Variants in GDAP1 observed in about 807,000 individuals in gnomAD.
The protein encoded by GDAP1 is ganglioside induced differentiation associated protein 1.
Under a neutral mutation model 40.1 loss-of-function variants are expected in GDAP1, and 34 were observed. The ratio of observed to expected loss-of-function variants is 0.85; its 90% CI spans 0.64 to 1.13. The LOEUF is 1.13. Among genes scored for constraint, GDAP1 ranks in the 50% most tolerant of loss-of-function variants. The pLI is 0.00. For missense variants in GDAP1, 374 were observed against 433.7 expected (o/e 0.86, Z 1.22); for synonymous variants, 170 against 157.4 (o/e 1.08, Z -0.60).
At chr8:74,355,073 C>T (rs10504578) in intron 2 of GDAP1, among the ~76,000 whole-genome samples, 28,474 of 152,076 alleles carry the variant, frequency 0.19, 2,939 homozygotes, top group Admixed American at 0.31. Context: ...CTTGTACTTT[C>T]GGGATAGTTC....
intron 2 of GDAP1, among the ~76,000 whole-genome samples, chr8:74,422,545 C>CCTTCCT (rs1805892023): frequency 1.0e-5 from 1 of 96,528 alleles, no homozygotes; most frequent in African/African-American, 5.1e-5. Context: ...CTTTCTTTCT[C>CCTTCCT]TCTCAAACAG....
At chr8:74,476,309 G>A (rs1192033414) in intron 2 of GDAP1, among the ~76,000 whole-genome samples, 2 of 152,016 alleles carry the variant, frequency 1.3e-5, no homozygotes, top group Non-Finnish European at 2.9e-5. Context: ...GATATGTGTG[G>A]ATTTGATCCT....
At chr8:74,477,957 A>T (rs766653284) in intron 2 of GDAP1, among the ~76,000 whole-genome samples, 1 of 152,144 alleles carries the variant, frequency 6.6e-6, no homozygotes, top group African/African-American at 2.4e-5. Flanking sequence ...TGGTGTTAGG[A>T]TAGAGGCAGG....
chr8:74,367,219 T>A (rs550370750), downstream of GDAP1: 3 of 154,564 alleles, frequency 1.9e-5, no homozygotes, highest in East Asian at 5.7e-4. Context: ...TGCAAAATAG[T>A]TTTCTTACAT....
At chr8:74,486,866 T>C (rs142801375) in intron 2 of GDAP1, among the ~76,000 whole-genome samples, 2 of 152,190 alleles carry the variant, frequency 1.3e-5, no homozygotes, top group Non-Finnish European at 2.9e-5. Context: ...ACTTTCTTGA[T>C]GTTTTTCATT....
Position 74,451,923 on chromosome 8 carries a change from C to CTTTAATTTAAT in GDAP1, c.166-36753_166-36752insTAATTTAATTT, listed in dbSNP as rs1806298298. Reference sequence around the variant, plus strand: ...GCCTTGGTATGCTGCTCTTTATTTTCTTAATTTAATTTAATTTAATTTAAT... The same window carrying CTTTAATTTAAT: ...GCCTTGGTATGCTGCTCTTTATTTTCTTTAATTTAATTTAATTTAATTTAATTTAATTTAAT... On this transcript the variant is annotated intron_variant, in intron 2 of 2. Coordinates refer to the GDAP1 transcript ENST00000523640. Among the ~76,000 whole-genome samples the CTTTAATTTAAT allele has an allele frequency of 3.7e-5, 2 of 54,614 alleles. 1 individual carries two copies. Among genetic ancestry groups the CTTTAATTTAAT allele is most frequent in the Non-Finnish European group, 6.7e-5 (2 of 29,836 alleles). 35.8% of individuals were successfully genotyped at this position (54,614 alleles called of 152,430 possible).
At position 74,432,658 on chromosome 8, in the gene GDAP1, G is replaced by A. The variant is rs569663681; in HGVS notation, c.166-56020G>A. On this transcript the variant is annotated intron_variant, in intron 2 of 2. Coordinates refer to the GDAP1 transcript ENST00000523640. ...AATGGCTGCATCTCATCTGGACTGG[G>A]ATTCCATCAGCGCCTTCCCTGGCCA... 2.6e-5 allele frequency among the ~76,000 whole-genome samples: 4 copies of A among 152,254 alleles called. No homozygotes were observed. The East Asian group carries it at 5.8e-4, about 22-fold the overall frequency.
At chr8:74,353,507 G>GTTA (rs3837196) in intron 2 of GDAP1, among the ~76,000 whole-genome samples, 52,168 of 151,926 alleles carry the variant, frequency 0.34, 9,793 homozygotes, top group Middle Eastern at 0.47. Flanking sequence ...TAAAAACAGC[G>GTTA]TTATCACAAT....
At chr8:74,396,725 T>C (rs1227681621) in intron 2 of GDAP1, among the ~76,000 whole-genome samples, 1 of 152,184 alleles carries the variant, frequency 6.6e-6, no homozygotes, top group Non-Finnish European at 1.5e-5. Flanking sequence ...ATGGTGTATA[T>C]GTGCCACATT....
intron 2 of GDAP1, among the ~76,000 whole-genome samples, chr8:74,433,073 G>C (rs1358473378): frequency 2.0e-5 from 3 of 152,048 alleles, no homozygotes; most frequent in Non-Finnish European, 4.4e-5. Flanking sequence ...TGTCCCATTT[G>C]TCTGCAAGGC....
intron 2 of GDAP1, among the ~76,000 whole-genome samples, chr8:74,422,472 TCCTC>T (rs1481149392): frequency 2.3e-4 from 28 of 121,596 alleles, no homozygotes; most frequent in Admixed American, 7.6e-4. Flanking sequence ...TTTCCTTCCT[TCCTC>T]CCTCCCTCCC....
chr8:74,486,219 A>G (rs1193020547), intron 2 of GDAP1, among the ~76,000 whole-genome samples: 1 of 152,228 alleles, frequency 6.6e-6, no homozygotes, highest in Admixed American at 6.5e-5. Context: ...CAAGAAACCT[A>G]TAGAGTTACT....
intron 2 of GDAP1, among the ~76,000 whole-genome samples, chr8:74,446,541 G>A (rs1806229364): frequency 6.6e-6 from 1 of 152,102 alleles, no homozygotes; most frequent in Non-Finnish European, 1.5e-5. Flanking sequence ...CTCTGAAATT[G>A]AGTATCTGTT....
intron 2 of GDAP1, among the ~76,000 whole-genome samples, chr8:74,421,636 C>G (rs1805858560): frequency 8.3e-6 from 1 of 120,160 alleles, no homozygotes; most frequent in Non-Finnish European, 1.7e-5. Context: ...GCCTTCAGGA[C>G]TGTAATTTGT....
intron 2 of GDAP1, among the ~76,000 whole-genome samples, chr8:74,378,578 A>C (rs979420378): frequency 6.6e-6 from 1 of 152,208 alleles, no homozygotes; most frequent in African/African-American, 2.4e-5. Context: ...AGTAGAAGAT[A>C]CTGCCATCAA....
chr8:74,485,591 T>C (rs1448693182), intron 2 of GDAP1, among the ~76,000 whole-genome samples: 2 of 152,046 alleles, frequency 1.3e-5, no homozygotes, highest in Non-Finnish European at 2.9e-5. Flanking sequence ...GCCCAAAGTG[T>C]TATGTTATTA....
chr8:74,367,112 AAG>A (rs1491011259), downstream of GDAP1: 2 of 193,588 alleles, frequency 1.0e-5, no homozygotes, highest in African/African-American at 4.8e-5. Flanking sequence ...AAAAAAAAAA[AAG>A]AATAACATTG....
At chr8:74,399,197 T>TAAGGTCA (rs1810270815) in intron 2 of GDAP1, among the ~76,000 whole-genome samples, 3 of 150,814 alleles carry the variant, frequency 2.0e-5, no homozygotes, top group African/African-American at 7.5e-5. Flanking sequence ...TTTTGGTTGG[T>TAAGGTCA]AAGCTATTGA....
At chr8:74,456,889 C>T (rs1806342334) in intron 2 of GDAP1, among the ~76,000 whole-genome samples, 1 of 151,926 alleles carries the variant, frequency 6.6e-6, no homozygotes, top group Non-Finnish European at 1.5e-5. Context: ...AGAAAATGAT[C>T]TGTAAGGAGA....
Sources: allele counts gnomAD v4.1 joint callset (sites outside exome capture counted in the v4.1 genomes callset), GRCh38; gene constraint gnomAD v4.1.1; transcripts MANE v1.5; gene names NCBI Gene and HGNC (gene_info 2026-07-23, HGNC 2026-07-21).